HIVEP3: variants seen among roughly 807,000 people sequenced by gnomAD.
HIVEP3 encodes the protein HIVEP zinc finger 3, also known as transcription factor HIVEP3.
In HIVEP3, 49 loss-of-function variants were observed where a neutral mutation model predicts 152.8. The ratio of observed to expected loss-of-function variants is 0.32; its 90% CI spans 0.26 to 0.41. HIVEP3 has a LOEUF of 0.41. HIVEP3 is among the 10% of genes least tolerant of loss of function. The pLI is 1.00. For missense variants in HIVEP3, 2,790 were observed against 3,103.3 expected, an observed-to-expected ratio of 0.90 and a Z score of 2.40; for synonymous variants, 1,269 against 1,289.0, an observed-to-expected ratio of 0.98 and a Z score of 0.33.
intron 6 of HIVEP3, among the ~76,000 whole-genome samples, chr1:41,523,327 C>CAT (rs1642814423): frequency 6.6e-6 from 1 of 152,146 alleles, no homozygotes; most frequent in Non-Finnish European, 1.5e-5. Context: ...TGTGCCCTCT[C>CAT]TGGGCAACCT....
intron 1 of HIVEP3, among the ~76,000 whole-genome samples, chr1:41,781,799 T>C (rs548543826): frequency 1.3e-5 from 2 of 152,360 alleles, no homozygotes; most frequent in Non-Finnish European, 2.9e-5. Context: ...CTCTGAGCAT[T>C]TGCACATGTT....
In HIVEP3 at chr1:41,756,107, T is replaced by C. The variant is rs139288093; in HGVS notation, c.-800-55112A>G. ...ATTAGTTAAACAAATTGTACACCCA[T>C]ACCAGGGAATACTACTCAGTGATTA... On this transcript the variant is annotated intron_variant, in intron 1 of 8. Coordinates refer to ENST00000372583, the MANE Select transcript of HIVEP3 (RefSeq NM_024503.5). Among the ~76,000 whole-genome samples the C allele has an allele frequency of 5.3e-3, 800 of 152,292 alleles. 3 individuals are homozygous for C. The highest frequency in any genetic ancestry group is 0.016 in the African/African-American group (685 of 41,564).
rs548271622 is a variant in HIVEP3, at chr1:41,521,402, C to T, written c.5384-2914G>A. 3.9e-5 allele frequency among the ~76,000 whole-genome samples: 6 copies of T among 152,356 alleles called. No individual in the cohort carries two copies. In the East Asian group the frequency reaches 5.8e-4, roughly 15 times the overall value. On this transcript the variant is annotated intron_variant, in intron 6 of 8. Transcript: ENST00000372583. ...CATAGGCCTCCCTCTCCTCTGCCCC[C>T]GCCACGGGGGTGCAGGGAGGAGTCA... is the stretch of plus-strand genomic sequence containing the variant.
chr1:41,585,323 G>A lies in HIVEP3; in HGVS notation c.-521-5C>T, dbSNP rs753417855. ...AGGAGAAATCACGCTCTTCTTCTGT[G>A]TGATAGATGTACACACACACAGAAA... On this transcript the variant is annotated splice_polypyrimidine_tract_variant and splice_region_variant and intron_variant, in intron 3 of 8. Coordinates refer to ENST00000372583, the MANE Select transcript of HIVEP3 (RefSeq NM_024503.5). 21 of 399,012 alleles carry A rather than the reference G, an allele frequency of 5.3e-5. No individual in the cohort carries two copies. In the East Asian group the frequency reaches 6.8e-4, roughly 13 times the overall value. The allele number at this position is 399,012 out of a possible 1,614,324, so 24.7% of individuals were successfully genotyped here.
rs1648927439 is a variant in HIVEP3, at chr1:41,779,742, C to T, written c.-800-78747G>A. ...AACCTCCTGACCTCAAATGACCTGT[C>T]CACCTTGGCCTCCCAAAGTGCTGGG... On this transcript the variant is annotated intron_variant, in intron 1 of 8. Coordinates refer to ENST00000372583, the MANE Select transcript of HIVEP3 (RefSeq NM_024503.5). Among the ~76,000 whole-genome samples, 3 of 152,308 alleles carry T rather than the reference C, an allele frequency of 2.0e-5. No homozygotes were observed. In the South Asian group the frequency reaches 6.2e-4, roughly 32 times the overall value.
At chr1:41,936,268 C>G (rs1645019844) in intron 1 of HIVEP3, among the ~76,000 whole-genome samples, 1 of 152,112 alleles carries the variant, frequency 6.6e-6, no homozygotes, top group Non-Finnish European at 1.5e-5. Flanking sequence ...ATTCAGATGA[C>G]TCATGTGCGA....
In HIVEP3 at chr1:41,511,001, C is replaced by G. The variant is rs143964973; in HGVS notation, c.6671G>C (p.Gly2224Ala). 5 of 1,613,364 alleles carry G rather than the reference C, an allele frequency of 3.1e-6. No individual in the cohort carries two copies. In the African/African-American group the frequency reaches 4.0e-5, roughly 13 times the overall value. The change falls in exon 9 of 9, where the codon GGC becomes GCC. Residue 2224 changes from glycine to alanine, a missense_variant. Physicochemically the swap from Gly to Ala is moderately conservative, Grantham distance 60. Transcript: ENST00000372583. The surrounding 1 kb of genome is among the most constrained non-coding windows in gnomAD (Gnocchi z 4.9). ...CAGGTCGCTGCCACCCCCGGAGAAG[C>G]CACTGACCCAGGCTGCGGTGGGCCC... ...LPGPTAAWVS[G>A]FSGGGSDLTG...
intron 1 of HIVEP3, among the ~76,000 whole-genome samples, chr1:41,859,284 A>AC (rs1267879512): frequency 1.4e-4 from 21 of 152,346 alleles, no homozygotes; most frequent in African/African-American, 4.6e-4. Context: ...GAAAGAACTC[A>AC]ATGAAAATTT....
chr1:41,905,930 C>T (rs1644701942), intron 1 of HIVEP3, among the ~76,000 whole-genome samples: 1 of 152,192 alleles, frequency 6.6e-6, no homozygotes, highest in Admixed American at 6.5e-5. Context: ...GCACAAAGAC[C>T]TGCATGTGAG....
At chr1:41,907,762 C>T (rs1265121076) in intron 1 of HIVEP3, among the ~76,000 whole-genome samples, 2 of 152,120 alleles carry the variant, frequency 1.3e-5, no homozygotes, top group African/African-American at 2.4e-5. Context: ...AGTTATCAGT[C>T]GGAAACCTCT....
chr1:41,746,664 C>T (rs1416556380), intron 1 of HIVEP3, among the ~76,000 whole-genome samples: 1 of 152,148 alleles, frequency 6.6e-6, no homozygotes, highest in Non-Finnish European at 1.5e-5. Flanking sequence ...TGGCATGGGG[C>T]AATGGCACTT....
intron 1 of HIVEP3, among the ~76,000 whole-genome samples, chr1:41,928,728 T>G (rs1644980444): frequency 1.3e-5 from 2 of 152,234 alleles, no homozygotes; most frequent in Admixed American, 6.5e-5. Context: ...AGACAGTCCC[T>G]CAATTTGGGT....
intron 2 of HIVEP3, among the ~76,000 whole-genome samples, chr1:41,665,398 GAA>G (rs1210583027): frequency 1.3e-5 from 2 of 152,192 alleles, no homozygotes; most frequent in Non-Finnish European, 2.9e-5. Context: ...CAGGTCTTGA[GAA>G]AGTCCCAGTA....
intron 1 of HIVEP3, among the ~76,000 whole-genome samples, chr1:41,943,607 T>C (rs532399961): frequency 6.6e-6 from 1 of 152,326 alleles, no homozygotes; most frequent in African/African-American, 2.4e-5. Context: ...TCTGTGTGCC[T>C]AATTTATTTT....
Position 41,853,418 on chromosome 1 carries a change from G to A in HIVEP3, c.-801+64995C>T, listed in dbSNP as rs575386785. ...GGGAAGCAAGGCACCCTCTTCACAA[G>A]GTGGCAGGAAGGAGAATGAAAGCAG... is the stretch of plus-strand genomic sequence containing the variant. On this transcript the variant is annotated intron_variant, in intron 1 of 8. Transcript: ENST00000372583. Among the ~76,000 whole-genome samples the A allele has an allele frequency of 4.6e-5, 7 of 152,312 alleles. No individual in the cohort carries two copies. The South Asian group carries it at 1.5e-3, about 32-fold the overall frequency.
At chr1:42,023,068 T>C (rs1310365348) in intron 1 of HIVEP3, among the ~76,000 whole-genome samples, 1 of 152,224 alleles carries the variant, frequency 6.6e-6, no homozygotes, top group Non-Finnish European at 1.5e-5. Flanking sequence ...TCTCACTCTG[T>C]CGTCCAGGCT....
intron 1 of HIVEP3, among the ~76,000 whole-genome samples, chr1:41,838,112 A>G (rs751062097): frequency 6.6e-6 from 1 of 152,134 alleles, no homozygotes; most frequent in Non-Finnish European, 1.5e-5. Context: ...GGACTTATAT[A>G]TATATTTTAA....
chr1:41,620,990 GC>G (rs1458433833), intron 3 of HIVEP3, among the ~76,000 whole-genome samples: 4 of 152,194 alleles, frequency 2.6e-5, no homozygotes, highest in Non-Finnish European at 5.9e-5. Flanking sequence ...TAACTGGTCA[GC>G]CCCACACCTG....
chr1:41,770,557 C>T lies in HIVEP3; in HGVS notation c.-800-69562G>A, dbSNP rs147349911. On this transcript the variant is annotated intron_variant, in intron 1 of 8. Transcript: ENST00000372583. ...AGCAATAAATATTATTGTTGTCATGCGCCCCCCAATATAATGCAATGAGAA... is the reference window on the plus strand; with the variant it reads ...AGCAATAAATATTATTGTTGTCATGTGCCCCCCAATATAATGCAATGAGAA... 4.1e-3 allele frequency among the ~76,000 whole-genome samples: 631 copies of T among 152,250 alleles called. 4 individuals are homozygous for T. The highest frequency in any genetic ancestry group is 7.8e-3 in the Non-Finnish European group (533 of 68,012).
Sources: allele counts gnomAD v4.1 joint callset (sites outside exome capture counted in the v4.1 genomes callset), GRCh38; gene constraint gnomAD v4.1.1; non-coding constraint Gnocchi (gnomAD v3.1); transcripts MANE v1.5; gene names NCBI Gene and HGNC (gene_info 2026-07-23, HGNC 2026-07-21).